Variants in RARB observed in about 807,000 individuals in gnomAD.
RARB encodes the protein retinoic acid receptor beta, also known as HBV-activated protein.
A neutral mutation model predicts 51.9 loss-of-function variants in RARB; 17 were observed. The observed-to-expected ratio is 0.33, with a 90% CI of 0.22 to 0.49. The LOEUF (loss-of-function observed/expected upper bound fraction) is 0.49, where lower values mean the gene tolerates loss of function less well. RARB is among the 20% of genes least tolerant of loss of function. RARB has a pLI of 0.99. For missense variants in RARB, 369 were observed against 550.8 expected (o/e 0.67, Z 3.30); for synonymous variants, 215 against 195.4 (o/e 1.10, Z -0.84).
intron 3 of RARB, among the ~76,000 whole-genome samples, chr3:25,082,976 A>T (rs1699038160): frequency 6.6e-6 from 1 of 152,028 alleles, no homozygotes; most frequent in South Asian, 2.1e-4. Context: ...TAATTTCAGT[A>T]ATTTAGAGAT....
chr3:25,531,897 G>A (rs1310741962), intron 3 of RARB, among the ~76,000 whole-genome samples: 2 of 140,958 alleles, frequency 1.4e-5, no homozygotes, highest in Non-Finnish European at 3.0e-5. Context: ...ATTCAGTTTT[G>A]TTAGTAAAAA....
intron 5 of RARB, among the ~76,000 whole-genome samples, chr3:25,314,394 TA>T (rs1481234547): frequency 6.6e-6 from 1 of 152,188 alleles, no homozygotes; most frequent in African/African-American, 2.4e-5. Flanking sequence ...TAATGTTACA[TA>T]AATTGTTAGG....
At chr3:25,596,357 C>G in intron 7 of RARB, 63 bp from the exon 8 acceptor site, 2 of 1,309,758 alleles carry the variant, frequency 1.5e-6, no homozygotes, top group Non-Finnish European at 2.1e-6. Flanking sequence ...AAATTGGTCC[C>G]TGGTTATCTG....
chr3:25,117,997 T>C (rs568682797), intron 3 of RARB, among the ~76,000 whole-genome samples: 6 of 152,240 alleles, frequency 3.9e-5, no homozygotes, highest in Admixed American at 2.6e-4. Context: ...TAAAGAAGTG[T>C]CACATATTTG....
At chr3:25,353,024 C>T (rs569612973) in intron 5 of RARB, among the ~76,000 whole-genome samples, 4 of 152,300 alleles carry the variant, frequency 2.6e-5, no homozygotes, top group Admixed American at 2.0e-4. Context: ...GCTAGTTGTG[C>T]ACCTCTTATG....
chr3:24,838,025 A>AT (rs528731508), intron 1 of RARB, among the ~76,000 whole-genome samples: 2 of 152,258 alleles, frequency 1.3e-5, no homozygotes, highest in African/African-American at 4.8e-5. Flanking sequence ...TTAAGAGAAG[A>AT]TTTTGCCTTC....
At chr3:25,515,702 A>G (rs1003673963) in intron 3 of RARB, among the ~76,000 whole-genome samples, 2 of 152,224 alleles carry the variant, frequency 1.3e-5, no homozygotes, top group African/African-American at 4.8e-5. Context: ...AAAGATTTAA[A>G]ATGAGCAAAA....
chr3:24,845,243 AT>A (rs1702472123), intron 1 of RARB, among the ~76,000 whole-genome samples: 1 of 152,218 alleles, frequency 6.6e-6, no homozygotes, highest in Non-Finnish European at 1.5e-5. Context: ...GGTTTGGCTA[AT>A]ACTAGCTATG....
intron 5 of RARB, among the ~76,000 whole-genome samples, chr3:25,228,185 T>C (rs1174847963): frequency 6.6e-6 from 1 of 150,740 alleles, no homozygotes; most frequent in Non-Finnish European, 1.5e-5. Flanking sequence ...TCCTTTTTCA[T>C]TGGAAAGTTT....
intron 3 of RARB, among the ~76,000 whole-genome samples, chr3:25,502,283 T>A (rs552366845): frequency 4.6e-5 from 7 of 151,936 alleles, no homozygotes; most frequent in Admixed American, 2.0e-4. Context: ...TCTAATGGAG[T>A]TGGAGGAATT....
At chr3:25,533,005 T>G (rs1394764195) in intron 3 of RARB, among the ~76,000 whole-genome samples, 1 of 152,198 alleles carries the variant, frequency 6.6e-6, no homozygotes, top group Non-Finnish European at 1.5e-5. Flanking sequence ...GTATAGCTAA[T>G]GAGCCAGAAG....
intron 5 of RARB, among the ~76,000 whole-genome samples, chr3:25,284,595 G>A (rs922383256): frequency 6.6e-6 from 1 of 152,046 alleles, no homozygotes; most frequent in African/African-American, 2.4e-5. Flanking sequence ...CTAAAATATA[G>A]GTTGTCAGCA....
chr3:25,497,033 C>A (rs149886693), intron 2 of RARB, among the ~76,000 whole-genome samples: 1 of 152,070 alleles, frequency 6.6e-6, no homozygotes, highest in Non-Finnish European at 1.5e-5. Context: ...TACAGGCATG[C>A]GCCACCATGC....
rs568063956 is a variant in RARB at position 25,328,491 on chromosome 3, G to C, written c.179-132702G>C. ...GCTGAGATCATGCCACTGCACTCCA[G>C]CTTGGGCAACAGAGGAAGTCTCTGT... On this transcript the variant is annotated intron_variant, in intron 5 of 11. Transcript: ENST00000383772. 5.3e-5 allele frequency among the ~76,000 whole-genome samples: 8 copies of C among 152,344 alleles called. No individual in the cohort carries two copies. The East Asian group carries it at 1.4e-3, about 26-fold the overall frequency.
intron 5 of RARB, among the ~76,000 whole-genome samples, chr3:25,319,358 C>G (rs1704506828): frequency 6.6e-6 from 1 of 152,182 alleles, no homozygotes; most frequent in South Asian, 2.1e-4. Flanking sequence ...ATTTCATTCC[C>G]TGGAAAGATA....
chr3:25,199,864 G>A (rs1293999586), intron 5 of RARB, among the ~76,000 whole-genome samples: 1 of 152,124 alleles, frequency 6.6e-6, no homozygotes, highest in East Asian at 1.9e-4. Context: ...ATTCAGGTTG[G>A]TTCCAAGTCT....
At chr3:24,998,449 C>A (rs1456243185) in intron 2 of RARB, among the ~76,000 whole-genome samples, 1 of 151,814 alleles carries the variant, frequency 6.6e-6, no homozygotes, top group African/African-American at 2.4e-5. Context: ...CTTTCATTGT[C>A]ACCACAAAGA....
At chr3:25,192,833 G>A (rs371958821) in intron 5 of RARB, among the ~76,000 whole-genome samples, 57 of 152,112 alleles carry the variant, frequency 3.7e-4, no homozygotes, top group African/African-American at 1.3e-3. Flanking sequence ...GGGAGCAGGT[G>A]ACTGGCATAG....
chr3:25,306,411 C>A (rs1216855192), intron 5 of RARB, among the ~76,000 whole-genome samples: 3 of 151,518 alleles, frequency 2.0e-5, no homozygotes, highest in Admixed American at 1.3e-4. Flanking sequence ...ATTTTTTGTT[C>A]ATTTTCTGTT....
Sources: allele counts gnomAD v4.1 joint callset (sites outside exome capture counted in the v4.1 genomes callset), GRCh38; gene constraint gnomAD v4.1.1; transcripts MANE v1.5; gene names NCBI Gene and HGNC (gene_info 2026-07-23, HGNC 2026-07-21).